Variants in PRKG1 observed in about 807,000 individuals in gnomAD.
The protein encoded by PRKG1 is protein kinase cGMP-dependent 1, also known as cGMP-dependent protein kinase 1.
Under a neutral mutation model 88.1 loss-of-function variants are expected in PRKG1, and 35 were observed. The observed-to-expected ratio is 0.40, with a 90% confidence interval of 0.30 to 0.53. The LOEUF (loss-of-function observed/expected upper bound fraction) is 0.53, where lower values mean the gene tolerates loss of function less well. Among genes scored for constraint, PRKG1 ranks in the 20% least tolerant of loss-of-function variants. The probability of loss-of-function intolerance (pLI) is 0.59; values close to 1 mark genes in which losing one functional copy is unlikely to be tolerated. For missense variants in PRKG1, 540 were observed against 839.8 expected, an observed-to-expected ratio of 0.64 and a Z score of 4.41; for synonymous variants, 303 against 292.5, an observed-to-expected ratio of 1.04 and a Z score of -0.37.
chr10:51,399,841 T>G (rs1837686203), intron 2 of PRKG1, among the ~76,000 whole-genome samples: 1 of 152,128 alleles, frequency 6.6e-6, no homozygotes, highest in African/African-American at 2.4e-5. Context: ...AATATCTGAA[T>G]CCATTGGTGT....
chr10:51,049,798 A>G (rs1303441508), intron 1 of PRKG1, among the ~76,000 whole-genome samples: 1 of 152,140 alleles, frequency 6.6e-6, no homozygotes, highest in African/African-American at 2.4e-5. Context: ...TGTATTGTCC[A>G]TTTCAATATA....
chr10:52,233,552 C>T (rs1447804997), intron 9 of PRKG1, among the ~76,000 whole-genome samples: 14 of 147,360 alleles, frequency 9.5e-5, no homozygotes, highest in African/African-American at 2.8e-4. Flanking sequence ...AAAGGGGTGA[C>T]GGACGCACCT....
intron 7 of PRKG1, among the ~76,000 whole-genome samples, chr10:52,082,747 C>A (rs1288792159): frequency 6.6e-6 from 1 of 151,976 alleles, no homozygotes; most frequent in Non-Finnish European, 1.5e-5. Context: ...AAACACTTGA[C>A]CATTTTAAGA....
intron 7 of PRKG1, among the ~76,000 whole-genome samples, chr10:52,121,002 G>A (rs1040874262): frequency 3.9e-5 from 6 of 152,160 alleles, no homozygotes; most frequent in Admixed American, 1.3e-4. Context: ...CACTTTCAGA[G>A]TTAGTTATAT....
At chr10:51,153,109 A>T in intron 1 of PRKG1, 55 bp from the exon 2 acceptor site, 2 of 1,557,832 alleles carry the variant, frequency 1.3e-6, no homozygotes, top group Non-Finnish European at 1.7e-6. Flanking sequence ...TAAACCTCAC[A>T]AACTATGAAA....
At chr10:51,256,183 C>T (rs900420742) in intron 2 of PRKG1, among the ~76,000 whole-genome samples, 2 of 152,106 alleles carry the variant, frequency 1.3e-5, no homozygotes, top group African/African-American at 4.8e-5. Context: ...TCTGTCTTCC[C>T]AAGAGCCCCC....
intron 3 of PRKG1, among the ~76,000 whole-genome samples, chr10:51,774,208 T>A (rs1174210611): frequency 2.6e-5 from 4 of 152,078 alleles, no homozygotes. Flanking sequence ...GTAGCCAATT[T>A]GTGATTTAAA....
In PRKG1 at chr10:52,177,049, CTACG is replaced by C. The variant is rs368106641; in HGVS notation, c.1076+15088_1076+15091del. The stretch of plus-strand genomic sequence containing the variant: ...ATTGCTCTGGCTAGGACTTCCAGTA[CTACG>C]TTGAAAAAGATTGGTGAGGTTGAGT... On this transcript the variant is annotated intron_variant, in intron 9 of 17. Coordinates refer to ENST00000373980, the MANE Select transcript of PRKG1 (RefSeq NM_006258.4). 4.7e-3 allele frequency among the ~76,000 whole-genome samples: 713 copies of C among 152,138 alleles called. 5 individuals carry two copies. The highest frequency in any genetic ancestry group is 0.016 in the African/African-American group (662 of 41,522).
intron 2 of PRKG1, among the ~76,000 whole-genome samples, chr10:51,405,795 T>A (rs1171758434): frequency 1.3e-5 from 2 of 152,134 alleles, no homozygotes; most frequent in Admixed American, 1.3e-4. Flanking sequence ...AGAATGGATG[T>A]GGAAACCACG....
chr10:51,981,164 T>C (rs1447667320), intron 5 of PRKG1, among the ~76,000 whole-genome samples: 1 of 152,202 alleles, frequency 6.6e-6, no homozygotes, highest in Non-Finnish European at 1.5e-5. Flanking sequence ...CTTTAGGAGC[T>C]CTTTTAAGCA....
At chr10:51,646,422 G>A (rs114578021) in intron 3 of PRKG1, among the ~76,000 whole-genome samples, 70 of 151,794 alleles carry the variant, frequency 4.6e-4, no homozygotes, top group South Asian at 1.0e-3. Context: ...TTGTCCTTCC[G>A]CTTCGCATTT....
Position 51,884,178 on chromosome 10 carries a change from G to A in PRKG1, c.699-23329G>A, listed in dbSNP as rs182320115. ...ATAAGAAAAGTTGGCCGGGCGCGGTGGCTCACGCCTGTAATCCCAGCACTT... is the reference window on the plus strand; with the variant it reads ...ATAAGAAAAGTTGGCCGGGCGCGGTAGCTCACGCCTGTAATCCCAGCACTT... On this transcript the variant is annotated intron_variant, in intron 4 of 17. Transcript: ENST00000373980. Among the ~76,000 whole-genome samples the A allele has an allele frequency of 3.3e-3, 506 of 151,796 alleles. 4 individuals are homozygous for A. The highest frequency in any genetic ancestry group is 4.6e-3 in the Non-Finnish European group (314 of 67,894).
chr10:51,633,169 C>T (rs979348193), intron 3 of PRKG1, among the ~76,000 whole-genome samples: 1 of 152,102 alleles, frequency 6.6e-6, no homozygotes, highest in Admixed American at 6.5e-5. Flanking sequence ...AATTAATTCT[C>T]AGTGGCCTGA....
chr10:52,276,375 C>G (rs1841875020), intron 12 of PRKG1, among the ~76,000 whole-genome samples: 1 of 152,090 alleles, frequency 6.6e-6, no homozygotes. Context: ...ACTTCAGGTT[C>G]ATACACTCAC....
intron 7 of PRKG1, among the ~76,000 whole-genome samples, chr10:52,102,170 T>C (rs1423908907): frequency 1.3e-5 from 2 of 152,158 alleles, no homozygotes; most frequent in African/African-American, 4.8e-5. Context: ...AACTGCCTTT[T>C]TACAGTTTTT....
chr10:51,228,963 T>G (rs938998415), intron 2 of PRKG1, among the ~76,000 whole-genome samples: 4 of 152,204 alleles, frequency 2.6e-5, no homozygotes, highest in Admixed American at 1.3e-4. Context: ...TTATGCAGAC[T>G]GTTCCTTTAC....
intron 9 of PRKG1, among the ~76,000 whole-genome samples, chr10:52,247,681 T>A: frequency 6.6e-6 from 1 of 152,202 alleles, no homozygotes; most frequent in Admixed American, 6.5e-5. Flanking sequence ...AGCCCCTTTA[T>A]ATAGGTTCAT....
intron 2 of PRKG1, among the ~76,000 whole-genome samples, chr10:51,317,463 C>T (rs996031612): frequency 9.9e-5 from 15 of 152,182 alleles, no homozygotes; most frequent in African/African-American, 3.6e-4. Context: ...TTCTTCCTAA[C>T]ACGCACACAA....
intron 7 of PRKG1, among the ~76,000 whole-genome samples, chr10:52,098,594 T>G (rs1278594337): frequency 1.3e-5 from 2 of 152,120 alleles, no homozygotes; most frequent in Non-Finnish European, 2.9e-5. Flanking sequence ...GTGGATAACG[T>G]GAGGTCAGGA....
Sources: allele counts gnomAD v4.1 joint callset (sites outside exome capture counted in the v4.1 genomes callset), GRCh38; gene constraint gnomAD v4.1.1; transcripts MANE v1.5; gene names NCBI Gene and HGNC (gene_info 2026-07-23, HGNC 2026-07-21).